Variants in DENND5A observed in about 807,000 individuals in gnomAD.
DENND5A encodes the protein DENN domain containing 5A.
In DENND5A, 64 loss-of-function variants were observed where a neutral mutation model predicts 140.3. The observed-to-expected ratio is 0.46, with a 90% CI of 0.37 to 0.56. The LOEUF is 0.56. DENND5A is among the 20% of genes least tolerant of loss of function. The pLI, the probability that DENND5A is intolerant of heterozygous loss-of-function variation, is 0.00. For missense variants in DENND5A, 1,292 were observed against 1,593.8 expected (o/e 0.81, Z 3.22); for synonymous variants, 605 against 607.7 (o/e 1.00, Z 0.07).
At position 9,265,131 on chromosome 11, in the gene DENND5A, G is replaced by C. The variant is rs1213824759; in HGVS notation, c.-62C>G. ...GGCACCGAGCCCCCGCAACCCGGGC[G>C]CCCGCCCGTCCGCCCTCAGGCCGCC... On this transcript the variant is annotated 5_prime_UTR_variant, in exon 1 of 23. Coordinates refer to ENST00000328194, the MANE Select transcript of DENND5A (RefSeq NM_015213.4). This position sits in a 1 kb window ranked among gnomAD's most constrained non-coding sequence, Gnocchi z 4.7. The C allele has an allele frequency of 3.9e-6, 4 of 1,034,100 alleles. No homozygotes were observed. In the Admixed American group the frequency reaches 1.6e-4, roughly 40 times the overall value. 64.1% of individuals were successfully genotyped at this position (1,034,100 alleles called of 1,614,324 possible).
In DENND5A at chr11:9,199,005, C is replaced by T. The variant is rs759213672; in HGVS notation, c.949+4655G>A. 7.0e-5 allele frequency among the ~76,000 whole-genome samples: 9 copies of T among 129,174 alleles called. 1 individual carries two copies. Among genetic ancestry groups the T allele is most frequent in the Non-Finnish European group, 1.5e-4 (9 of 61,028 alleles). The allele number at this position is 129,174 out of a possible 152,430, so 84.7% of individuals were successfully genotyped here. On this transcript the variant is annotated intron_variant, in intron 4 of 22. Transcript: ENST00000328194. ...CCAGGAGGCGGAGGTTGCAATGAGCCGAGATCATGCCACTGCATTCTAGCT... is the reference window on the plus strand; with the variant it reads ...CCAGGAGGCGGAGGTTGCAATGAGCTGAGATCATGCCACTGCATTCTAGCT...
chr11:9,143,070 CA>C (rs1036082226), intron 20 of DENND5A: 106 of 614,242 alleles, frequency 1.7e-4, no homozygotes, highest in Middle Eastern at 1.3e-3. Context: ...GGGTCACACA[CA>C]AGGAGATTCT....
chr11:9,144,799 A>AG (rs944818135), intron 18 of DENND5A, among the ~76,000 whole-genome samples, 196 bp downstream of exon 18: 1 of 152,018 alleles, frequency 6.6e-6, no homozygotes, highest in Non-Finnish European at 1.5e-5. Flanking sequence ...AAAAAAAAAA[A>AG]AAAGAAAGAA....
At chr11:9,168,838 C>T (rs1447455859) in intron 10 of DENND5A, among the ~76,000 whole-genome samples, 2 of 152,164 alleles carry the variant, frequency 1.3e-5, no homozygotes, top group African/African-American at 4.8e-5. Flanking sequence ...AGGGTCTTTT[C>T]TCAAAGATAA....
At chr11:9,231,507 G>C (rs972227991) in intron 1 of DENND5A, among the ~76,000 whole-genome samples, 3 of 151,984 alleles carry the variant, frequency 2.0e-5, no homozygotes, top group Admixed American at 6.6e-5. Flanking sequence ...CCTGAGGTCG[G>C]GAGTTGGAGA....
chr11:9,164,168 A>G (rs1848102101), intron 11 of DENND5A, among the ~76,000 whole-genome samples: 1 of 120,252 alleles, frequency 8.3e-6, no homozygotes, highest in Non-Finnish European at 1.6e-5. Flanking sequence ...AGTAGCTGGG[A>G]CTAAAGGTGT....
At chr11:9,204,355 T>G (rs756564680) in intron 3 of DENND5A, 38 bp from the exon 4 acceptor site, 23 of 1,571,510 alleles carry the variant, frequency 1.5e-5, no homozygotes, top group Non-Finnish European at 2.0e-5. Flanking sequence ...GTGAGAACAC[T>G]CACTGGCGAT....
intron 10 of DENND5A, among the ~76,000 whole-genome samples, chr11:9,167,156 A>G (rs1231598088): frequency 2.6e-5 from 4 of 152,150 alleles, no homozygotes. Context: ...GCAATCTGAT[A>G]TCCTCTCAGT....
chr11:9,240,709 C>CAAA (rs139278051), intron 1 of DENND5A, among the ~76,000 whole-genome samples: 1 of 149,734 alleles, frequency 6.7e-6, no homozygotes, highest in South Asian at 2.1e-4. Context: ...GACCCTGTCT[C>CAAA]AAAACAAAAA....
intron 13 of DENND5A, 89 bp downstream of exon 13, chr11:9,152,269 C>G (rs769120502): frequency 4.1e-6 from 4 of 982,414 alleles, no homozygotes; most frequent in Non-Finnish European, 6.6e-6. Flanking sequence ...GCTTCTTCGA[C>G]CTGGAATAGT....
rs925957583 is a variant in DENND5A at position 9,264,830 on chromosome 11, G to A, written c.109+131C>T. The stretch of plus-strand genomic sequence containing the variant: ...CTCCAGTCCAAAGCCCCCTTCGCCC[G>A]CGCCCGCCCTGGTCCTCCCGGCCGA... On this transcript the variant is annotated intron_variant, in intron 1 of 22. Coordinates refer to ENST00000328194, the MANE Select transcript of DENND5A (RefSeq NM_015213.4). 12 of 750,656 alleles carry A rather than the reference G, an allele frequency of 1.6e-5. 1 individual carries two copies. The Middle Eastern group carries it at 2.0e-3, about 123-fold the overall frequency. 46.5% of individuals were successfully genotyped at this position (750,656 alleles called of 1,614,324 possible). A position where few individuals can be genotyped will look rare whatever the true frequency, so the allele number is the denominator to read the frequency against.
intron 8 of DENND5A, among the ~76,000 whole-genome samples, chr11:9,175,062 T>C (rs1401877531): frequency 1.3e-5 from 2 of 152,248 alleles, no homozygotes; most frequent in Non-Finnish European, 2.9e-5. Flanking sequence ...ACAGGTAATA[T>C]GACTGTCTAT....
At position 9,180,998 on chromosome 11, in the gene DENND5A, G is replaced by A. The variant is rs184550547; in HGVS notation, c.1224C>T (p.Val408=). Residue 408 remains valine (V), a synonymous_variant, in exon 6 of 23, where the codon GTC becomes GTT. Coordinates refer to ENST00000328194, the MANE Select transcript of DENND5A (RefSeq NM_015213.4). Reference sequence around the variant, plus strand: ...CCATGAGAATCTCAGAGACTTCCTGGACAAACTCCAATTTGTTGGGGAACT... The same window carrying A: ...CCATGAGAATCTCAGAGACTTCCTGAACAAACTCCAATTTGTTGGGGAACT... The part of the protein sequence containing the change: ...LPQFPNKLEF[V]QEVSEILMAF... 8 of 1,613,978 alleles carry A rather than the reference G, an allele frequency of 5.0e-6. No homozygotes were observed. The highest frequency in any genetic ancestry group is 5.9e-6 in the Non-Finnish European group (7 of 1,180,034).
intron 19 of DENND5A, among the ~76,000 whole-genome samples, chr11:9,143,752 T>C (rs949708068): frequency 1.3e-5 from 2 of 152,206 alleles, no homozygotes; most frequent in Non-Finnish European, 2.9e-5. Flanking sequence ...GAATTGTGGG[T>C]AACCAAAAGA....
intron 5 of DENND5A, among the ~76,000 whole-genome samples, chr11:9,189,003 C>T (rs1419592546): frequency 6.6e-6 from 1 of 152,236 alleles, no homozygotes; most frequent in South Asian, 2.1e-4. Flanking sequence ...GTCTTCACGG[C>T]AGCCCCTCCC....
At chr11:9,210,160 T>C (rs7394869) in intron 1 of DENND5A, among the ~76,000 whole-genome samples, 47,444 of 151,762 alleles carry the variant, frequency 0.31, 8,027 homozygotes, top group African/African-American at 0.42. Context: ...AACACCTACA[T>C]AGGCCCACCT....
At chr11:9,162,595 C>A (rs761882746) in intron 11 of DENND5A, among the ~76,000 whole-genome samples, 5 of 152,062 alleles carry the variant, frequency 3.3e-5, no homozygotes, top group Non-Finnish European at 5.9e-5. Context: ...TACGTGCCCT[C>A]TTCCATTCAC....
chr11:9,148,974 A>G (rs545456293), intron 15 of DENND5A, among the ~76,000 whole-genome samples: 1 of 152,250 alleles, frequency 6.6e-6, no homozygotes, highest in Non-Finnish European at 1.5e-5. Flanking sequence ...AACACTGTGC[A>G]AAGAGTAAGC....
intron 9 of DENND5A, chr11:9,170,180 C>T (rs1306553706): frequency 1.4e-6 from 1 of 718,800 alleles, no homozygotes; most frequent in Non-Finnish European, 1.7e-6. Flanking sequence ...CATCTACAAA[C>T]ACTTGACATA....
Sources: gnomAD v4.1 joint callset for allele counts (sites outside exome capture counted in the v4.1 genomes callset) on GRCh38, gnomAD v4.1.1 for gene constraint, Gnocchi (gnomAD v3.1) non-coding constraint, MANE v1.5 for transcripts, NCBI Gene and HGNC (gene_info 2026-07-23, HGNC 2026-07-21) for gene names.